Variants in PAPPA observed in about 807,000 individuals in gnomAD.
PAPPA encodes pappalysin-1.
Under a neutral mutation model 164.0 loss-of-function variants are expected in PAPPA, and 60 were observed. That is an observed-to-expected ratio of 0.37 (90% CI 0.30 to 0.45). The LOEUF is 0.45. PAPPA is among the 20% of genes least tolerant of loss of function. PAPPA has a pLI of 1.00. For missense variants in PAPPA, 1,782 were observed against 2,087.3 expected (o/e 0.85, Z 2.85); for synonymous variants, 875 against 814.1 (o/e 1.07, Z -1.27).
In PAPPA at chr9:116,401,623, A is replaced by T. The variant is rs1847057156; in HGVS notation, c.*5007A>T. ...ATATACTTAAATGTAATATTTACAAAATAAAACTGTGATCTCGTCTAGAGA... is the reference window on the plus strand; with the variant it reads ...ATATACTTAAATGTAATATTTACAATATAAAACTGTGATCTCGTCTAGAGA... On this transcript the variant is annotated 3_prime_UTR_variant, in exon 22 of 22. Coordinates refer to ENST00000328252, the MANE Select transcript of PAPPA (RefSeq NM_002581.5). 6.6e-6 allele frequency: 1 copy of T among 151,500 alleles called. No individual in the cohort carries two copies. The highest frequency in any genetic ancestry group is 1.5e-5 in the Non-Finnish European group (1 of 67,832). The allele number at this position is 151,500 out of a possible 1,614,324, so 9.4% of individuals were successfully genotyped here.
chr9:116,305,439 T>A (rs1326441173), intron 10 of PAPPA, among the ~76,000 whole-genome samples: 1 of 140,112 alleles, frequency 7.1e-6, no homozygotes, highest in Admixed American at 7.5e-5. Context: ...TCCCCCCAGA[T>A]GCTCATACTC....
chr9:116,187,012 G>A lies in PAPPA; in HGVS notation c.416-142G>A. On this transcript the variant is annotated intron_variant, in intron 1 of 21. Coordinates refer to ENST00000328252, the MANE Select transcript of PAPPA (RefSeq NM_002581.5). This position sits in a 1 kb window ranked among gnomAD's most constrained non-coding sequence, Gnocchi z 4.2. ...CGAGGTGGTCCCAGAGGCACCATTA[G>A]CAACTCCTAGGATCCCACAGAGCAG... The A allele has an allele frequency of 1.6e-6, 1 of 626,482 alleles. No homozygotes were observed. The highest frequency in any genetic ancestry group is 2.7e-6 in the Non-Finnish European group (1 of 369,450). 38.8% of individuals were successfully genotyped at this position (626,482 alleles called of 1,614,324 possible). A position where few individuals can be genotyped will look rare whatever the true frequency, so the allele number is the denominator to read the frequency against.
intron 2 of PAPPA, among the ~76,000 whole-genome samples, chr9:116,195,891 A>AT (rs34757510): frequency 3.8e-4 from 58 of 152,056 alleles, no homozygotes; most frequent in African/African-American, 6.5e-4. Flanking sequence ...TTTTTAAAAT[A>AT]TTTTTTTTAA....
chr9:116,307,945 T>C (rs1248682468), intron 10 of PAPPA, among the ~76,000 whole-genome samples: 1 of 152,074 alleles, frequency 6.6e-6, no homozygotes, highest in East Asian at 1.9e-4. Flanking sequence ...GAAAACACTC[T>C]GTGCTGGGTT....
At chr9:116,193,954 G>C (rs2118644436) in intron 2 of PAPPA, among the ~76,000 whole-genome samples, 1 of 152,308 alleles carries the variant, frequency 6.6e-6, no homozygotes, top group Middle Eastern at 3.4e-3. Flanking sequence ...TAGGCTTTTA[G>C]CATAAGCAGG....
chr9:116,352,360 C>G lies in PAPPA; in HGVS notation c.3965-346C>G, dbSNP rs1322219051. On this transcript the variant is annotated intron_variant, in intron 15 of 21. Transcript: ENST00000328252. ...GCCAAGTATTAGAAGGCAAGTGCCT[C>G]CATCTCTGTGCTCAGATGCCCATTT... 2.0e-5 allele frequency among the ~76,000 whole-genome samples: 3 copies of G among 152,170 alleles called. No individual in the cohort carries two copies. The East Asian group carries it at 5.8e-4, about 29-fold the overall frequency.
chr9:116,305,876 T>C (rs762624647), intron 10 of PAPPA, among the ~76,000 whole-genome samples: 1 of 152,154 alleles, frequency 6.6e-6, no homozygotes, highest in Admixed American at 6.5e-5. Flanking sequence ...GATCTCAGCA[T>C]TGAGTGTCAC....
At chr9:116,334,250 A>AC (rs1554753189) in intron 12 of PAPPA, among the ~76,000 whole-genome samples, 2 of 151,008 alleles carry the variant, frequency 1.3e-5, no homozygotes, top group African/African-American at 4.9e-5. Context: ...AAAAAAAAAA[A>AC]AAAAAAAAAA....
intron 21 of PAPPA, among the ~76,000 whole-genome samples, chr9:116,389,129 C>CT (rs374938651): frequency 0.12 from 15,294 of 128,764 alleles, 1,208 homozygotes; most frequent in South Asian, 0.32. Context: ...CAGAATAATC[C>CT]TTTTTTTTTT....
intron 1 of PAPPA, among the ~76,000 whole-genome samples, chr9:116,156,674 C>G (rs1345484091): frequency 6.6e-6 from 1 of 152,106 alleles, no homozygotes; most frequent in Non-Finnish European, 1.5e-5. Context: ...CTTTTCCCTC[C>G]CCTAGTTGAG....
chr9:116,337,340 T>G (rs1846074282), intron 13 of PAPPA, among the ~76,000 whole-genome samples: 1 of 152,088 alleles, frequency 6.6e-6, no homozygotes, highest in Admixed American at 6.5e-5. Context: ...CAGCAGCTGT[T>G]CATGGGGAGC....
chr9:116,251,091 G>T (rs936609322), intron 7 of PAPPA, among the ~76,000 whole-genome samples: 3 of 152,146 alleles, frequency 2.0e-5, no homozygotes, highest in Non-Finnish European at 4.4e-5. Flanking sequence ...AACCTTTTAG[G>T]TTCAAGTTCT....
intron 5 of PAPPA, among the ~76,000 whole-genome samples, chr9:116,223,768 G>A (rs186646927): frequency 3.9e-5 from 6 of 152,272 alleles, no homozygotes; most frequent in Admixed American, 3.3e-4. Context: ...TTAGTAGAAA[G>A]TATACAAGCT....
Position 116,352,790 on chromosome 9 carries a change from C to T in PAPPA, c.4049C>T (p.Pro1350Leu), listed in dbSNP as rs1280976121. The T allele has an allele frequency of 6.2e-7, 1 of 1,613,980 alleles. No individual in the cohort carries two copies. The highest frequency in any genetic ancestry group is 1.3e-5 in the African/African-American group (1 of 75,042). Residue 1350 changes from proline to leucine, a missense_variant, in exon 16 of 22, where the codon CCC becomes CTC. By Grantham distance (98) the Pro-to-Leu change is moderately conservative. This residue lies in a region of PAPPA where 1,324 missense variants were observed against 1,656.9 expected (regional missense o/e 0.80). Transcript: ENST00000328252. Reference protein sequence around the residue: ...ALCELMCLAPPPVPNADLQTA... With the variant: ...ALCELMCLAPLPVPNADLQTA... ...TGTGAGCTCATGTGCCTCGCTCCAC[C>T]CCCTGTGCCCAATGCAGACCTCCAG... is the stretch of plus-strand genomic sequence containing the variant.
At chr9:116,198,295 A>C (rs1844130924) in intron 2 of PAPPA, among the ~76,000 whole-genome samples, 2 of 152,204 alleles carry the variant, frequency 1.3e-5, no homozygotes, top group Admixed American at 1.3e-4. Flanking sequence ...CTTACTTAGC[A>C]AGAGATTCCT....
At chr9:116,354,570 C>T (rs1846327974) in intron 17 of PAPPA, among the ~76,000 whole-genome samples, 1 of 152,088 alleles carries the variant, frequency 6.6e-6, no homozygotes, top group East Asian at 1.9e-4. Context: ...CTCCAGATAC[C>T]AGGCACTGCC....
intron 13 of PAPPA, among the ~76,000 whole-genome samples, chr9:116,338,723 G>T (rs1030053179): frequency 6.6e-6 from 1 of 152,216 alleles, no homozygotes; most frequent in African/African-American, 2.4e-5. Context: ...CTAAGCATGT[G>T]TGTGTCTTTG....
chr9:116,157,899 C>A (rs996192297), intron 1 of PAPPA, among the ~76,000 whole-genome samples: 2 of 152,160 alleles, frequency 1.3e-5, no homozygotes, highest in South Asian at 2.1e-4. Context: ...AACTGCCCCC[C>A]CAACACCCCT....
intron 18 of PAPPA, among the ~76,000 whole-genome samples, chr9:116,365,824 G>C (rs1306768625): frequency 6.6e-6 from 1 of 151,898 alleles, no homozygotes; most frequent in Non-Finnish European, 1.5e-5. Context: ...CATCTCTCCT[G>C]TTTCGATGGC....
Sources: gnomAD v4.1 joint callset for allele counts (sites outside exome capture counted in the v4.1 genomes callset) on GRCh38, gnomAD v4.1.1 for gene constraint, gnomAD v4.1.1 regional missense constraint, Gnocchi (gnomAD v3.1) non-coding constraint, MANE v1.5 for transcripts, NCBI Gene and HGNC (gene_info 2026-07-23, HGNC 2026-07-21) for gene names.